Variants in SMC4 observed in about 807,000 individuals in gnomAD.
SMC4 encodes the protein structural maintenance of chromosomes protein 4.
Under a neutral mutation model 145.6 loss-of-function variants are expected in SMC4, and 87 were observed. That is an observed-to-expected ratio of 0.60 (90% CI 0.50 to 0.71). The LOEUF is 0.71. Among genes scored for constraint, SMC4 ranks in the 30% least tolerant of loss-of-function variants. SMC4 has a pLI of 0.00. For missense variants in SMC4, 1,447 were observed against 1,537.1 expected (o/e 0.94, Z 0.98); for synonymous variants, 558 against 500.7 (o/e 1.11, Z -1.53).
intron 21 of SMC4, 106 bp downstream of exon 21, chr3:160,431,931 G>GCCACCACGCC: frequency 8.4e-7 from 1 of 1,189,896 alleles, no homozygotes; most frequent in Non-Finnish European, 1.2e-6. Flanking sequence ...GCCGGGCGTG[G>GCCACCACGCC]TGGCTCACGC....
intron 9 of SMC4, among the ~76,000 whole-genome samples, chr3:160,415,635 A>G (rs191554399): frequency 1.3e-5 from 2 of 152,350 alleles, no homozygotes; most frequent in East Asian, 3.9e-4. Flanking sequence ...GGAAATGTTG[A>G]ACTTCACAGG....
At chr3:160,415,110 A>ACCTGTATTC (rs1716446947) in intron 9 of SMC4, among the ~76,000 whole-genome samples, 2 of 152,192 alleles carry the variant, frequency 1.3e-5, no homozygotes, top group African/African-American at 4.8e-5. Flanking sequence ...AATGGCTTAC[A>ACCTGTATTC]CCTGTATTCC....
chr3:160,428,925 A>G lies in SMC4; in HGVS notation c.2778A>G (p.Ala926=). 1 of 1,588,746 alleles carries G rather than the reference A, an allele frequency of 6.3e-7. No homozygotes were observed. The highest frequency in any genetic ancestry group is 8.5e-7 in the Non-Finnish European group (1 of 1,174,252). ...CTGCTATTACTAAAGCCCAAGTAGCAATCAAGACTGCTGACAGGTAGAGTA... is the reference window on the plus strand; with the variant it reads ...CTGCTATTACTAAAGCCCAAGTAGCGATCAAGACTGCTGACAGGTAGAGTA... ...CASAITKAQV[A]IKTADRNLQK... The change falls in exon 18 of 24, where the codon GCA becomes GCG. Residue 926 remains alanine (A), a synonymous_variant. Coordinates refer to ENST00000357388, the MANE Select transcript of SMC4 (RefSeq NM_001002800.3).
intron 2 of SMC4, among the ~76,000 whole-genome samples, 169 bp downstream of exon 2, chr3:160,401,134 C>T (rs1299720716): frequency 6.6e-6 from 1 of 151,992 alleles, no homozygotes; most frequent in East Asian, 1.9e-4. Flanking sequence ...AGATAGGATT[C>T]CCGTGCAATT....
chr3:160,405,006 GTTAAT>G (rs1319188114), intron 5 of SMC4, among the ~76,000 whole-genome samples: 1 of 151,932 alleles, frequency 6.6e-6, no homozygotes, highest in African/African-American at 2.4e-5. Context: ...TAAGCACCTA[GTTAAT>G]TTAATCTTTG....
At chr3:160,402,149 T>TA (rs1320145561) in intron 3 of SMC4, 56 bp downstream of exon 3, 2 of 1,144,344 alleles carry the variant, frequency 1.7e-6, no homozygotes, top group South Asian at 1.9e-5. Flanking sequence ...TGTAAGGTAA[T>TA]ACGTTTTTAC....
intron 21 of SMC4, 97 bp from the exon 22 acceptor site, chr3:160,432,186 G>C (rs1718483697): frequency 1.0e-6 from 1 of 985,396 alleles, no homozygotes; most frequent in Non-Finnish European, 1.5e-6. Flanking sequence ...TGGGCGTCAG[G>C]GCAAGACTAC....
chr3:160,413,726 A>C, intron 8 of SMC4, 113 bp downstream of exon 8: 10 of 636,938 alleles, frequency 1.6e-5, no homozygotes, highest in Non-Finnish European at 2.2e-5. Flanking sequence ...CCAGCATATC[A>C]AGTGGTGGCC....
intron 15 of SMC4, 70 bp downstream of exon 15, chr3:160,423,910 C>T (rs530568068): frequency 6.3e-6 from 8 of 1,269,494 alleles, no homozygotes; most frequent in South Asian, 1.7e-5. Context: ...TATATACTTA[C>T]TACAAAATTT....
chr3:160,407,639 G>A (rs1224949560), intron 5 of SMC4, among the ~76,000 whole-genome samples: 1 of 151,538 alleles, frequency 6.6e-6, no homozygotes, highest in Non-Finnish European at 1.5e-5. Flanking sequence ...TTGTTGCCTA[G>A]CCATCTGTTC....
At chr3:160,430,026 A>G (rs1223950623) in intron 18 of SMC4, among the ~76,000 whole-genome samples, 1 of 152,148 alleles carries the variant, frequency 6.6e-6, no homozygotes, top group Non-Finnish European at 1.5e-5. Context: ...TAATTTTTTT[A>G]GAGTATTTAT....
chr3:160,408,817 G>C (rs1243313253), intron 5 of SMC4, among the ~76,000 whole-genome samples: 2 of 152,134 alleles, frequency 1.3e-5, no homozygotes, highest in East Asian at 1.9e-4. Flanking sequence ...GCAAGTGGTA[G>C]GGCAGGCAAA....
intron 17 of SMC4, among the ~76,000 whole-genome samples, chr3:160,427,386 C>A (rs1170173694): frequency 6.6e-6 from 1 of 152,182 alleles, no homozygotes; most frequent in East Asian, 1.9e-4. Flanking sequence ...ACCATTGTGG[C>A]TGGAATAAAG....
At chr3:160,418,076 T>A (rs1369428866) in intron 11 of SMC4, 120 bp downstream of exon 11, 3 of 777,246 alleles carry the variant, frequency 3.9e-6, no homozygotes, top group Non-Finnish European at 6.3e-6. Flanking sequence ...TTTTGTATAA[T>A]CTCAAAAGAA....
intron 9 of SMC4, among the ~76,000 whole-genome samples, chr3:160,415,923 G>T (rs531171757): frequency 2.0e-5 from 3 of 152,182 alleles, no homozygotes; most frequent in African/African-American, 7.2e-5. Flanking sequence ...AGAAAATTCC[G>T]TGTAGTCAGA....
intron 3 of SMC4, 147 bp from the exon 4 acceptor site, chr3:160,402,526 AGTC>A: frequency 1.4e-6 from 1 of 696,460 alleles, no homozygotes; most frequent in South Asian, 2.1e-5. Flanking sequence ...AGAAAACTCA[AGTC>A]GTATGCCTGT....
At chr3:160,420,672 A>T in intron 12 of SMC4, 68 bp from the exon 13 acceptor site, 1 of 1,543,848 alleles carries the variant, frequency 6.5e-7, no homozygotes, top group Non-Finnish European at 8.8e-7. Flanking sequence ...AGTTTTTAAA[A>T]CTTGATGAAT....
At chr3:160,408,692 G>A (rs531205004) in intron 5 of SMC4, among the ~76,000 whole-genome samples, 2 of 152,290 alleles carry the variant, frequency 1.3e-5, no homozygotes, top group South Asian at 2.1e-4. Context: ...AATTTTACAT[G>A]AGTTATGTAA....
Position 160,433,779 on chromosome 3 carries a change from A to G in SMC4, c.3837A>G (p.Pro1279=), listed in dbSNP as rs768221286. The change falls in exon 24 of 24, where the codon CCA becomes CCG. Residue 1279 remains proline, a synonymous_variant. Transcript: ENST00000357388. ...TAACAAAAAGTGTTGCTGTAAATCC[A>G]AAAGAAATTGCATCTAAGGGACTTT... ...YNITKSVAVN[P]KEIASKGLC 1.9e-6 allele frequency: 3 copies of G among 1,605,048 alleles called. No homozygotes were observed. Among genetic ancestry groups the G allele is most frequent in the East Asian group, 4.5e-5 (2 of 44,576 alleles).
Sources: gnomAD v4.1 joint callset for allele counts (sites outside exome capture counted in the v4.1 genomes callset) on GRCh38, gnomAD v4.1.1 for gene constraint, MANE v1.5 for transcripts, NCBI Gene and HGNC (gene_info 2026-07-23, HGNC 2026-07-21) for gene names.